Variants in PPARGC1A observed in about 807,000 individuals in gnomAD.
PPARGC1A encodes PPARG coactivator 1 alpha.
Under a neutral mutation model 88.7 loss-of-function variants are expected in PPARGC1A, and 25 were observed. That is an observed-to-expected ratio of 0.28 (90% CI 0.21 to 0.39). The LOEUF is 0.39. Ranked by LOEUF, PPARGC1A falls within the 10% of genes least tolerant of loss-of-function variation. The pLI is 1.00. For synonymous variants in PPARGC1A, 363 were observed against 355.6 expected, an observed-to-expected ratio of 1.02 and a Z score of -0.24; for missense variants, 880 against 968.7, an observed-to-expected ratio of 0.91 and a Z score of 1.22.
intron 2 of PPARGC1A, among the ~76,000 whole-genome samples, chr4:23,846,924 A>G (rs1478109447): frequency 6.6e-6 from 1 of 152,176 alleles, no homozygotes; most frequent in Non-Finnish European, 1.5e-5. Context: ...TTTCTTAGAA[A>G]AGGTTTCATA....
chr4:23,993,590 G>A, the PPARGC1A span, among the ~76,000 whole-genome samples: 1 of 152,110 alleles, frequency 6.6e-6, no homozygotes, highest in African/African-American at 2.4e-5. Context: ...ATTATCATCA[G>A]CCCCATTTTG....
rs747744361 is a variant in PPARGC1A at position 23,824,251 on chromosome 4, A to C, written c.877+29T>G. On this transcript the variant is annotated intron_variant, in intron 7 of 12. Transcript: ENST00000264867. The stretch of plus-strand genomic sequence containing the variant: ...CACACACATATACAGACAGACACAC[A>C]CAAGTTCTAAGTGAAATATAAGGCT... 1.9e-5 allele frequency: 30 copies of C among 1,578,210 alleles called. No homozygotes were observed. The East Asian group carries it at 6.7e-4, about 35-fold the overall frequency.
intron 5 of PPARGC1A, among the ~76,000 whole-genome samples, chr4:23,824,900 AT>A: frequency 6.6e-6 from 1 of 152,214 alleles, no homozygotes; most frequent in South Asian, 2.1e-4. Context: ...TATTCAGTTG[AT>A]TTTACTCCTA....
chr4:24,168,238 C>T, the PPARGC1A span, among the ~76,000 whole-genome samples: 19 of 152,292 alleles, frequency 1.2e-4, no homozygotes, highest in African/African-American at 4.3e-4. Flanking sequence ...GCAACATCTC[C>T]ATGGAATGCT....
intron 12 of PPARGC1A, among the ~76,000 whole-genome samples, chr4:23,796,964 T>TA (rs1036409070): frequency 6.6e-6 from 1 of 151,894 alleles, no homozygotes; most frequent in Admixed American, 6.6e-5. Context: ...ATCGTTGACC[T>TA]AAAATGTTGT....
chr4:23,893,991 G>GA (rs1718215457), upstream of PPARGC1A, among the ~76,000 whole-genome samples: 1 of 152,126 alleles, frequency 6.6e-6, no homozygotes, highest in African/African-American at 2.4e-5. Context: ...TTATGATGGA[G>GA]AAAAATAAGG....
At chr4:23,801,305 A>G (rs1262228022) in intron 12 of PPARGC1A, among the ~76,000 whole-genome samples, 1 of 152,046 alleles carries the variant, frequency 6.6e-6, no homozygotes, top group Non-Finnish European at 1.5e-5. Context: ...TAACACACGC[A>G]CACACAAAGC....
At chr4:24,430,893 G>A in the PPARGC1A span, among the ~76,000 whole-genome samples, 3,002 of 152,042 alleles carry the variant, frequency 0.02, 88 homozygotes, top group African/African-American at 0.068. Flanking sequence ...TGAGGCAGGC[G>A]GATCGCCTGA....
chr4:24,440,339 G>A, the PPARGC1A span, among the ~76,000 whole-genome samples: 4 of 152,110 alleles, frequency 2.6e-5, no homozygotes, highest in Non-Finnish European at 5.9e-5. Context: ...GCTCCTCATC[G>A]GTTTTTTCCT....
the PPARGC1A span, among the ~76,000 whole-genome samples, chr4:24,241,613 G>A: frequency 6.6e-6 from 1 of 152,160 alleles, no homozygotes; most frequent in Non-Finnish European, 1.5e-5. Context: ...GCAGGCTCAC[G>A]CCTTGTTTAG....
At chr4:24,099,341 A>G in the PPARGC1A span, among the ~76,000 whole-genome samples, 22 of 150,110 alleles carry the variant, frequency 1.5e-4, no homozygotes, top group Non-Finnish European at 2.7e-4. Context: ...CCCACCTGCC[A>G]TATCTTTTGA....
chr4:23,945,811 T>A, the PPARGC1A span, among the ~76,000 whole-genome samples: 1 of 152,190 alleles, frequency 6.6e-6, no homozygotes, highest in South Asian at 2.1e-4. Flanking sequence ...GGTAACTTGC[T>A]ACCGTTGCAA....
chr4:24,190,684 C>T, the PPARGC1A span, among the ~76,000 whole-genome samples: 14 of 152,128 alleles, frequency 9.2e-5, no homozygotes, highest in African/African-American at 3.1e-4. Flanking sequence ...TGACTTCCTC[C>T]ATGCCATGTA....
the PPARGC1A span, among the ~76,000 whole-genome samples, chr4:24,248,516 T>C: frequency 6.6e-6 from 1 of 151,980 alleles, no homozygotes; most frequent in Non-Finnish European, 1.5e-5. Context: ...ATCAGCAAGC[T>C]TTGTGCAAAT....
chr4:24,146,755 A>G, the PPARGC1A span, among the ~76,000 whole-genome samples: 1 of 152,212 alleles, frequency 6.6e-6, no homozygotes, highest in African/African-American at 2.4e-5. Flanking sequence ...TTCTCATGCA[A>G]CAAACATTAG....
At chr4:23,989,904 T>A in the PPARGC1A span, among the ~76,000 whole-genome samples, 2 of 150,540 alleles carry the variant, frequency 1.3e-5, no homozygotes, top group Admixed American at 1.3e-4. Context: ...AAGGCAAAAC[T>A]GTTGAAATTT....
the PPARGC1A span, among the ~76,000 whole-genome samples, chr4:24,303,512 A>G: frequency 6.6e-6 from 1 of 152,244 alleles, no homozygotes; most frequent in African/African-American, 2.4e-5. Flanking sequence ...CTACAAATCA[A>G]AATTGTGTTA....
the PPARGC1A span, among the ~76,000 whole-genome samples, chr4:23,976,378 G>T: frequency 6.6e-6 from 1 of 152,192 alleles, no homozygotes; most frequent in Non-Finnish European, 1.5e-5. Context: ...GGGTGGGGAT[G>T]GGGGTGTTAA....
the PPARGC1A span, among the ~76,000 whole-genome samples, chr4:24,099,374 G>T: frequency 6.8e-6 from 1 of 147,316 alleles, no homozygotes; most frequent in African/African-American, 2.5e-5. Flanking sequence ...TTCTGTCATT[G>T]TCTATGAAAT....
Sources: gnomAD v4.1 joint callset for allele counts (sites outside exome capture counted in the v4.1 genomes callset) on GRCh38, gnomAD v4.1.1 for gene constraint, MANE v1.5 for transcripts, NCBI Gene and HGNC (gene_info 2026-07-23, HGNC 2026-07-21) for gene names.